Variants in RBFOX1 observed in about 807,000 individuals in gnomAD.
RBFOX1 encodes the protein RNA binding protein fox-1 homolog 1.
RBFOX1 carries 8 observed loss-of-function variants against 57.7 expected under a neutral mutation model. That is an observed-to-expected ratio of 0.14 (90% CI 0.08 to 0.25). RBFOX1 has a LOEUF of 0.25. RBFOX1 is among the 10% of genes least tolerant of loss of function. The pLI, the probability that RBFOX1 is intolerant of heterozygous loss-of-function variation, is 1.00. For missense variants in RBFOX1, 611 were observed against 548.5 expected, an observed-to-expected ratio of 1.11 and a Z score of -1.14; for synonymous variants, 326 against 222.4, an observed-to-expected ratio of 1.47 and a Z score of -4.15.
At chr16:7,532,569 G>A (rs933446939) in intron 5 of RBFOX1, among the ~76,000 whole-genome samples, 3 of 152,198 alleles carry the variant, frequency 2.0e-5, no homozygotes, top group Middle Eastern at 3.2e-3. Flanking sequence ...GTCTAGCTGT[G>A]GATGGGGCCC....
At chr16:7,388,331 T>G in intron 4 of RBFOX1, among the ~76,000 whole-genome samples, 1 of 152,186 alleles carries the variant, frequency 6.6e-6, no homozygotes, top group East Asian at 1.9e-4. Context: ...CAAGTGGCAA[T>G]GAGATGCATG....
chr16:6,055,894 T>C (rs2095608775), intron 1 of RBFOX1, among the ~76,000 whole-genome samples: 1 of 152,218 alleles, frequency 6.6e-6, no homozygotes, highest in African/African-American at 2.4e-5. Flanking sequence ...AGCATTTTAC[T>C]GGATGTTTGA....
At chr16:6,419,371 G>T (rs1274895235) in intron 2 of RBFOX1, among the ~76,000 whole-genome samples, 2 of 152,126 alleles carry the variant, frequency 1.3e-5, no homozygotes, top group African/African-American at 4.8e-5. Flanking sequence ...AGTGTGGAGT[G>T]TATGGCTTGG....
intron 2 of RBFOX1, among the ~76,000 whole-genome samples, chr16:6,497,627 G>T (rs1031944213): frequency 6.6e-6 from 1 of 151,654 alleles, no homozygotes; most frequent in Non-Finnish European, 1.5e-5. Flanking sequence ...CGCGATCTTG[G>T]CTTACTGCAA....
At chr16:6,747,571 A>C (rs1231604638) in intron 3 of RBFOX1, among the ~76,000 whole-genome samples, 3 of 152,128 alleles carry the variant, frequency 2.0e-5, no homozygotes. Flanking sequence ...CTCTGTTAAA[A>C]GTGATATTTT....
At chr16:6,363,729 C>G (rs547897014) in intron 2 of RBFOX1, among the ~76,000 whole-genome samples, 1 of 152,138 alleles carries the variant, frequency 6.6e-6, no homozygotes, top group Non-Finnish European at 1.5e-5. Context: ...ACGAATTTCA[C>G]GTAGAAATCA....
chr16:6,690,413 TA>T (rs894904117), intron 3 of RBFOX1, among the ~76,000 whole-genome samples: 2 of 152,026 alleles, frequency 1.3e-5, no homozygotes, highest in African/African-American at 4.8e-5. Flanking sequence ...ATCACACTTT[TA>T]AAAAAATGGA....
At chr16:6,363,475 G>C (rs1166324612) in intron 2 of RBFOX1, among the ~76,000 whole-genome samples, 1 of 152,192 alleles carries the variant, frequency 6.6e-6, no homozygotes, top group Non-Finnish European at 1.5e-5. Context: ...AGCGTGGAAT[G>C]GATGGGTTTA....
At chr16:6,422,213 C>T (rs964071107) in intron 2 of RBFOX1, among the ~76,000 whole-genome samples, 12 of 151,278 alleles carry the variant, frequency 7.9e-5, no homozygotes, top group South Asian at 2.1e-4. Context: ...TGAGCCACCA[C>T]GCCCGACCAC....
intron 1 of RBFOX1, chr16:6,038,593 A>T (rs1036872561): frequency 8.4e-6 from 1 of 118,436 alleles, no homozygotes; most frequent in African/African-American, 3.3e-5. Flanking sequence ...TATAAAATCC[A>T]TATATATATA....
chr16:5,953,273 A>G (rs569172071), intron 4 of RBFOX1, among the ~76,000 whole-genome samples: 111 of 152,356 alleles, frequency 7.3e-4, no homozygotes, highest in African/African-American at 2.5e-3. Flanking sequence ...GAAACTGGAA[A>G]TGTGTAACAA....
At chr16:7,627,277 A>T (rs1016050798) in intron 10 of RBFOX1, among the ~76,000 whole-genome samples, 1 of 152,040 alleles carries the variant, frequency 6.6e-6, no homozygotes, top group Non-Finnish European at 1.5e-5. Context: ...ACCAACTCTA[A>T]TCAAATGGGA....
At chr16:6,855,207 G>A (rs2057609714) in intron 3 of RBFOX1, among the ~76,000 whole-genome samples, 1 of 152,022 alleles carries the variant, frequency 6.6e-6, no homozygotes, top group Non-Finnish European at 1.5e-5. Context: ...ATAGTACCTG[G>A]CAAAATGATA....
At chr16:5,839,964 C>T (rs995292197) in intron 3 of RBFOX1, among the ~76,000 whole-genome samples, 1 of 152,156 alleles carries the variant, frequency 6.6e-6, no homozygotes, top group South Asian at 2.1e-4. Flanking sequence ...GGAATGATTA[C>T]TGGACAAACA....
chr16:6,643,367 A>G (rs9927015), intron 2 of RBFOX1, among the ~76,000 whole-genome samples: 3,966 of 152,214 alleles, frequency 0.026, 181 homozygotes, highest in African/African-American at 0.091. Context: ...ATTTTATACT[A>G]TTCTTCATGT....
intron 2 of RBFOX1, among the ~76,000 whole-genome samples, chr16:6,396,814 T>G (rs888841054): frequency 6.6e-6 from 1 of 152,130 alleles, no homozygotes; most frequent in African/African-American, 2.4e-5. Context: ...ATGTTGGAAT[T>G]AACAGATAAG....
At chr16:7,114,028 A>T (rs1163444347) in intron 4 of RBFOX1, among the ~76,000 whole-genome samples, 1 of 152,218 alleles carries the variant, frequency 6.6e-6, no homozygotes, top group East Asian at 1.9e-4. Flanking sequence ...ATGAATGTGC[A>T]ATGAATTTTA....
At chr16:5,272,720 A>G (rs566674676) in intron 1 of RBFOX1, among the ~76,000 whole-genome samples, 37 of 152,232 alleles carry the variant, frequency 2.4e-4, no homozygotes, top group African/African-American at 7.9e-4. Context: ...TGGCCAACTC[A>G]TTGACTTCCC....
chr16:5,935,640 A>G (rs1294051123), intron 4 of RBFOX1, among the ~76,000 whole-genome samples: 2 of 152,204 alleles, frequency 1.3e-5, no homozygotes, highest in Non-Finnish European at 2.9e-5. Context: ...TCTAGTCTCT[A>G]GGAATTAGCT....
Sources: allele counts gnomAD v4.1 joint callset (sites outside exome capture counted in the v4.1 genomes callset), GRCh38; gene constraint gnomAD v4.1.1; transcripts MANE v1.5; gene names NCBI Gene and HGNC (gene_info 2026-07-23, HGNC 2026-07-21).